Variants in DROSHA observed in about 807,000 individuals in gnomAD.
DROSHA encodes ribonuclease 3.
In DROSHA, 56 loss-of-function variants were observed where a neutral mutation model predicts 181.9. The observed-to-expected ratio is 0.31, with a 90% CI of 0.25 to 0.38. DROSHA has a LOEUF of 0.38. Ranked by LOEUF, DROSHA falls within the 10% of genes least tolerant of loss-of-function variation. DROSHA has a pLI of 1.00. For missense variants in DROSHA, 1,218 were observed against 1,743.5 expected (o/e 0.70, Z 5.37); for synonymous variants, 524 against 591.2 (o/e 0.89, Z 1.65).
chr5:31,405,930 T>C (rs1740604731), intron 34 of DROSHA, among the ~76,000 whole-genome samples: 1 of 152,112 alleles, frequency 6.6e-6, no homozygotes, highest in African/African-American at 2.4e-5. Context: ...GAAATGTCAT[T>C]GATTTGCACA....
At chr5:31,528,927 A>G in intron 4 of DROSHA, 113 bp downstream of exon 4, 1 of 1,380,260 alleles carries the variant, frequency 7.2e-7, no homozygotes, top group Non-Finnish European at 1.0e-6. Flanking sequence ...GAATGAGCAC[A>G]TTATCCCCTC....
At chr5:31,529,534 G>A (rs1410170856) in intron 3 of DROSHA, among the ~76,000 whole-genome samples, 3 of 152,064 alleles carry the variant, frequency 2.0e-5, no homozygotes, top group African/African-American at 4.8e-5. Context: ...AGGAGGTGGA[G>A]ACCATCCTGG....
At chr5:31,504,424 G>GT (rs1454591886) in intron 11 of DROSHA, 131 bp downstream of exon 11, 5 of 1,018,546 alleles carry the variant, frequency 4.9e-6, no homozygotes, top group Non-Finnish European at 7.1e-6. Context: ...GCAATTATCA[G>GT]TAAGAGACTA....
At chr5:31,451,183 C>A (rs1446355517) in intron 21 of DROSHA, among the ~76,000 whole-genome samples, 3 of 151,592 alleles carry the variant, frequency 2.0e-5, no homozygotes, top group Non-Finnish European at 4.4e-5. Flanking sequence ...GCCTGGGAAA[C>A]AAGAGCGAAA....
At chr5:31,490,104 G>A (rs574951001) in intron 13 of DROSHA, among the ~76,000 whole-genome samples, 2 of 151,382 alleles carry the variant, frequency 1.3e-5, no homozygotes, top group South Asian at 2.1e-4. Context: ...TCAAACTCCT[G>A]ACCTCAGGTG....
chr5:31,420,723 A>C (rs1580018512), intron 30 of DROSHA, among the ~76,000 whole-genome samples: 1 of 120,718 alleles, frequency 8.3e-6, no homozygotes. Context: ...CTAAATCCTA[A>C]CTATCTTTAA....
intron 25 of DROSHA, among the ~76,000 whole-genome samples, chr5:31,432,209 G>A (rs1378300109): frequency 1.3e-5 from 2 of 150,590 alleles, no homozygotes; most frequent in African/African-American, 4.9e-5. Flanking sequence ...TTGGCTTACT[G>A]CAACCTCCAA....
At chr5:31,495,982 C>T (rs1752931398) in intron 11 of DROSHA, among the ~76,000 whole-genome samples, 1 of 152,136 alleles carries the variant, frequency 6.6e-6, no homozygotes, top group South Asian at 2.1e-4. Context: ...TACAAGGTGC[C>T]AAGTTGGGGC....
In DROSHA at chr5:31,521,596, A is replaced by G. The variant is rs138254526; in HGVS notation, c.855-381T>C. 8.1e-3 allele frequency among the ~76,000 whole-genome samples: 1,236 copies of G among 152,338 alleles called. 20 individuals carry two copies. Among genetic ancestry groups the G allele is most frequent in the African/African-American group, 0.027 (1,142 of 41,584 alleles). On this transcript the variant is annotated intron_variant, in intron 5 of 35. Transcript: ENST00000344624. ...TTCTAAAAAATGCTCTATTTTACCT[A>G]TCAAATAAATGTAAATTATAAAGCT... is the stretch of plus-strand genomic sequence containing the variant.
intron 6 of DROSHA, among the ~76,000 whole-genome samples, chr5:31,520,859 T>C (rs1293965415): frequency 6.6e-6 from 1 of 152,176 alleles, no homozygotes; most frequent in Non-Finnish European, 1.5e-5. Context: ...AAATGATTAA[T>C]GTATAGTTTT....
chr5:31,463,369 AT>A (rs1354837034), intron 20 of DROSHA, among the ~76,000 whole-genome samples: 1 of 152,180 alleles, frequency 6.6e-6, no homozygotes, highest in South Asian at 2.1e-4. Flanking sequence ...GCCAACACTG[AT>A]TTTTTAAAAA....
At chr5:31,427,275 T>C (rs555702094) in intron 27 of DROSHA, among the ~76,000 whole-genome samples, 2 of 152,260 alleles carry the variant, frequency 1.3e-5, no homozygotes, top group South Asian at 4.2e-4. Context: ...TCTAGCTTTC[T>C]AAGCGGGCCA....
chr5:31,405,767 CTTTTTTTTT>C (rs67380927), intron 34 of DROSHA, 44 bp from the exon 35 acceptor site: 221 of 469,018 alleles, frequency 4.7e-4, no homozygotes, highest in East Asian at 9.4e-4. Context: ...TTTCAAGATT[CTTTTTTTTT>C]TTTTTTTTTT....
chr5:31,405,649 A>G, intron 35 of DROSHA, 28 bp downstream of exon 35: 1 of 1,537,704 alleles, frequency 6.5e-7, no homozygotes, highest in East Asian at 2.4e-5. Context: ...CATTATGAAC[A>G]TAATTATAGA....
intron 27 of DROSHA, 22 bp downstream of exon 27, chr5:31,429,452 AT>A (rs766762270): frequency 1.3e-6 from 2 of 1,594,910 alleles, no homozygotes; most frequent in South Asian, 2.3e-5. Flanking sequence ...AACAAAAAAA[AT>A]CAAATGATTC....
At position 31,526,432 on chromosome 5, in the gene DROSHA, C is replaced by T. The variant is rs1740577598; in HGVS notation, c.501G>A (p.Gln167=). Reference sequence around the variant, plus strand: ...TGTGGTGAGAATAGCCCGGAGGGTACTGATAATTAACCTGCTGCGGCATGA... The same window carrying T: ...TGTGGTGAGAATAGCCCGGAGGGTATTGATAATTAACCTGCTGCGGCATGA... ...PPVMPQQVNY[Q]YPPGYSHHNF... Residue 167 remains glutamine, a synonymous_variant, in exon 5 of 36, where the codon CAG becomes CAA. Coordinates refer to ENST00000344624, the MANE Select transcript of DROSHA (RefSeq NM_001382508.1). 2.5e-6 allele frequency: 4 copies of T among 1,610,126 alleles called. No homozygotes were observed. In the East Asian group the frequency reaches 8.9e-5, roughly 36 times the overall value.
intron 5 of DROSHA, 39 bp from the exon 6 acceptor site, chr5:31,521,254 A>C (rs1338528759): frequency 6.2e-7 from 1 of 1,604,216 alleles, no homozygotes; most frequent in East Asian, 2.2e-5. Flanking sequence ...TTCAACAGAA[A>C]GACTCAAAAA....
At chr5:31,484,779 G>A in intron 15 of DROSHA, 102 bp downstream of exon 15, 5 of 799,866 alleles carry the variant, frequency 6.3e-6, no homozygotes, top group South Asian at 1.7e-5. Context: ...TAAAAAATAA[G>A]AGAAATTTCA....
At chr5:31,494,677 C>T (rs534083395) in intron 12 of DROSHA, among the ~76,000 whole-genome samples, 1 of 152,032 alleles carries the variant, frequency 6.6e-6, no homozygotes, top group Admixed American at 6.5e-5. Flanking sequence ...AACAGTTTGG[C>T]ATTTCTTCAA....
Sources: allele counts gnomAD v4.1 joint callset (sites outside exome capture counted in the v4.1 genomes callset), GRCh38; gene constraint gnomAD v4.1.1; transcripts MANE v1.5; gene names NCBI Gene and HGNC (gene_info 2026-07-23, HGNC 2026-07-21).